Variants in PDE3A observed in about 807,000 individuals in gnomAD.
The protein encoded by PDE3A is cGMP-inhibited 3',5'-cyclic phosphodiesterase 3A.
A neutral mutation model predicts 98.3 loss-of-function variants in PDE3A; 43 were observed. The ratio of observed to expected loss-of-function variants is 0.44; its 90% CI spans 0.34 to 0.56. The LOEUF (loss-of-function observed/expected upper bound fraction) is 0.56. PDE3A is among the 20% of genes least tolerant of loss of function. PDE3A has a pLI of 0.01. For missense variants in PDE3A, 1,427 were observed against 1,440.7 expected, an observed-to-expected ratio of 0.99 and a Z score of 0.15; for synonymous variants, 663 against 567.9, an observed-to-expected ratio of 1.17 and a Z score of -2.38.
intron 1 of PDE3A, among the ~76,000 whole-genome samples, chr12:20,497,878 T>TG (rs1945948451): frequency 6.6e-6 from 1 of 152,126 alleles, no homozygotes; most frequent in African/African-American, 2.4e-5. Flanking sequence ...TAGTATACTT[T>TG]ATGTTCTGCT....
intron 3 of PDE3A, among the ~76,000 whole-genome samples, chr12:20,614,509 T>C (rs1721573807): frequency 6.6e-6 from 1 of 152,200 alleles, no homozygotes; most frequent in South Asian, 2.1e-4. Context: ...CTCTCAGGAA[T>C]GTGATCTTCA....
Position 20,681,519 on chromosome 12 carries a change from A to G in PDE3A, c.*1248A>G, listed in dbSNP as rs1945783342. ...TTCAACACAGGGTTTTTGTGTTGAC[A>G]TAGGAAAAGCCTGATTCTTGGCAAC... On this transcript the variant is annotated 3_prime_UTR_variant, in exon 16 of 16. Transcript: ENST00000359062. The G allele has an allele frequency of 6.6e-6, 1 of 152,226 alleles. No individual in the cohort carries two copies. The highest frequency in any genetic ancestry group is 1.5e-5 in the Non-Finnish European group (1 of 68,030). The allele number at this position is 152,226 out of a possible 1,614,324, so 9.4% of individuals were successfully genotyped here.
In PDE3A at chr12:20,634,907, A is replaced by G; in HGVS notation, c.1852A>G (p.Thr618Ala). ...ATRTPSRTDD[T>A]AQVTSDYETN... ...TTGTTCTCTTTTAATTGTAGATGAC[A>G]CTGCTCAAGTTACCTCTGATTATGA... The change falls in exon 8 of 16, where the codon ACT becomes GCT. Residue 618 changes from threonine (T) to alanine (A), a missense_variant. Around this residue, in one of 3 missense-constraint regions of PDE3A, gnomAD observed 1,012 missense variants for 886.5 expected, o/e 1.14. Coordinates refer to ENST00000359062, the MANE Select transcript of PDE3A (RefSeq NM_000921.5). The G allele has an allele frequency of 6.2e-7, 1 of 1,607,550 alleles. No individual in the cohort carries two copies. The highest frequency in any genetic ancestry group is 8.5e-7 in the Non-Finnish European group (1 of 1,174,174).
At chr12:20,412,045 A>G (rs73083849) in intron 1 of PDE3A, among the ~76,000 whole-genome samples, 2,804 of 152,234 alleles carry the variant, frequency 0.018, 41 homozygotes, top group Non-Finnish European at 0.031. Context: ...TGTTCTGTGT[A>G]TAGCTTATCT....
At position 20,386,059 on chromosome 12, in the gene PDE3A, T is replaced by TA. The variant is rs1177300769; in HGVS notation, c.960+15818dup. Among the ~76,000 whole-genome samples, 176 of 87,498 alleles carry TA rather than the reference T, an allele frequency of 2.0e-3. 9 individuals are homozygous for TA. The highest frequency in any genetic ancestry group is 7.6e-3 in the African/African-American group (152 of 20,042). The allele number at this position is 87,498 out of a possible 152,430, so 57.4% of individuals were successfully genotyped here. On this transcript the variant is annotated intron_variant, in intron 1 of 15. Coordinates refer to ENST00000359062, the MANE Select transcript of PDE3A (RefSeq NM_000921.5). ...TATATAAAATATATATAAATATATA[T>TA]AAATATATATAAAATATATATAAAT...
At chr12:20,661,444 G>A (rs989200774) in intron 15 of PDE3A, among the ~76,000 whole-genome samples, 3 of 152,198 alleles carry the variant, frequency 2.0e-5, no homozygotes, top group African/African-American at 4.8e-5. Context: ...AGACAATGGG[G>A]AAAATGTCTC....
At chr12:20,395,634 T>TATATATACAC (rs1227376750) in intron 1 of PDE3A, among the ~76,000 whole-genome samples, 1 of 146,934 alleles carries the variant, frequency 6.8e-6, no homozygotes, top group East Asian at 2.0e-4. Flanking sequence ...ATATGTATAC[T>TATATATACAC]ATATATACAC....
Position 20,549,407 on chromosome 12 carries a change from A to G in PDE3A, c.961-7253A>G, listed in dbSNP as rs550713095. Among the ~76,000 whole-genome samples the G allele has an allele frequency of 1.3e-4, 20 of 151,824 alleles. No homozygotes were observed. The South Asian group carries it at 3.3e-3, about 25-fold the overall frequency. On this transcript the variant is annotated intron_variant, in intron 1 of 15. Coordinates refer to ENST00000359062, the MANE Select transcript of PDE3A (RefSeq NM_000921.5). ...TTGCCTCTTTCTTTGCATTAAAAAA[A>G]AAAAAAAGAAAATACACTGAAATAA...
intron 1 of PDE3A, among the ~76,000 whole-genome samples, chr12:20,481,311 T>A (rs1347923531): frequency 1.3e-5 from 2 of 152,210 alleles, no homozygotes; most frequent in East Asian, 3.8e-4. Context: ...CCTTGCAGGA[T>A]TTTAGCCCTT....
At chr12:20,412,436 C>T (rs374383898) in intron 1 of PDE3A, among the ~76,000 whole-genome samples, 32 of 152,236 alleles carry the variant, frequency 2.1e-4, no homozygotes, top group African/African-American at 5.5e-4. Context: ...GAGAATCACA[C>T]GGACAACTTT....
intron 1 of PDE3A, among the ~76,000 whole-genome samples, chr12:20,461,086 A>G (rs1945240186): frequency 6.6e-6 from 1 of 152,042 alleles, no homozygotes; most frequent in African/African-American, 2.4e-5. Flanking sequence ...TGTTTTGCTA[A>G]ATTATTTGCC....
At position 20,399,446 on chromosome 12, in the gene PDE3A, T is replaced by G. The variant is rs1358781877; in HGVS notation, c.960+29202T>G. On this transcript the variant is annotated intron_variant, in intron 1 of 15. Coordinates refer to ENST00000359062, the MANE Select transcript of PDE3A (RefSeq NM_000921.5). ...AAACTGATCCTAATCAATCAGCTCC[T>G]CATGGAAAGATTAGAGCTTACAGGA... 3.9e-5 allele frequency among the ~76,000 whole-genome samples: 6 copies of G among 152,140 alleles called. No individual in the cohort carries two copies. The East Asian group carries it at 1.2e-3, about 29-fold the overall frequency.
At position 20,639,355 on chromosome 12, in the gene PDE3A, T is replaced by A. The variant is rs1362213847; in HGVS notation, c.2140-491T>A. The stretch of plus-strand genomic sequence containing the variant: ...AAAAACAGAGTAATATATTGATATA[T>A]GATCCTTATTAGTCACTGTTTATGT... On this transcript the variant is annotated intron_variant, in intron 9 of 15. Coordinates refer to ENST00000359062, the MANE Select transcript of PDE3A (RefSeq NM_000921.5). Among the ~76,000 whole-genome samples, 3 of 152,166 alleles carry A rather than the reference T, an allele frequency of 2.0e-5. No homozygotes were observed. In the East Asian group the frequency reaches 5.8e-4, roughly 29 times the overall value.
chr12:20,587,819 A>G (rs1393250819), intron 2 of PDE3A, among the ~76,000 whole-genome samples: 1 of 152,222 alleles, frequency 6.6e-6, no homozygotes, highest in South Asian at 2.1e-4. Flanking sequence ...AAGTTAGATT[A>G]ATAGTTTTCT....
intron 1 of PDE3A, among the ~76,000 whole-genome samples, chr12:20,404,826 G>GTT (rs60736941): frequency 0.073 from 6,912 of 94,970 alleles, 606 homozygotes; most frequent in African/African-American, 0.11. Context: ...AGGTTACAGA[G>GTT]TTTTTTTTTT....
At chr12:20,537,908 A>G (rs1237387183) in intron 1 of PDE3A, among the ~76,000 whole-genome samples, 1 of 151,988 alleles carries the variant, frequency 6.6e-6, no homozygotes, top group East Asian at 1.9e-4. Context: ...CAGATCTATG[A>G]CAACAAAAGA....
At chr12:20,370,323 G>A (rs1943444914) in intron 1 of PDE3A, 79 bp downstream of exon 1, 1 of 1,301,812 alleles carries the variant, frequency 7.7e-7, no homozygotes, top group Non-Finnish European at 1.0e-6. Context: ...GAGAATCCGA[G>A]CGCTGGGAAC....
intron 2 of PDE3A, among the ~76,000 whole-genome samples, chr12:20,558,865 A>C (rs981344414): frequency 6.6e-6 from 1 of 152,146 alleles, no homozygotes; most frequent in Non-Finnish European, 1.5e-5. Flanking sequence ...AGTTTACTCC[A>C]AAGCCTTGCT....
intron 14 of PDE3A, among the ~76,000 whole-genome samples, chr12:20,652,034 T>C (rs375627287): frequency 0.025 from 3,870 of 152,142 alleles, 142 homozygotes; most frequent in African/African-American, 0.088. Flanking sequence ...TTTTTTGTCC[T>C]TGCGATAGTT....
Sources: gnomAD v4.1 joint callset for allele counts (sites outside exome capture counted in the v4.1 genomes callset) on GRCh38, gnomAD v4.1.1 for gene constraint, gnomAD v4.1.1 regional missense constraint, MANE v1.5 for transcripts, NCBI Gene and HGNC (gene_info 2026-07-23, HGNC 2026-07-21) for gene names.